ALDH4A1: variants seen among roughly 807,000 people sequenced by gnomAD.
ALDH4A1 encodes the protein aldehyde dehydrogenase 4 family member A1, also known as delta-1-pyrroline-5-carboxylate dehydrogenase, mitochondrial.
ALDH4A1 carries 46 observed loss-of-function variants against 70.5 expected under a neutral mutation model. The observed-to-expected ratio is 0.65, with a 90% CI of 0.51 to 0.83. The LOEUF is 0.83. ALDH4A1 is among the 40% of genes least tolerant of loss of function. The pLI, the probability that ALDH4A1 is intolerant of heterozygous loss-of-function variation, is 0.00. For synonymous variants in ALDH4A1, 323 were observed against 324.3 expected (o/e 1.00, Z 0.04); for missense variants, 749 against 766.5 (o/e 0.98, Z 0.27).
In ALDH4A1 at chr1:18,890,088, G is replaced by C; in HGVS notation, c.80C>G (p.Thr27Ser). The change falls in exon 2 of 15, where the codon ACC (threonine) becomes AGC (serine). Residue 27 changes from threonine to serine, a missense_variant. By Grantham distance (58) the Thr-to-Ser change is moderately conservative. Transcript: ENST00000375341. ...CTCGTTGGCCACCTTCAGGGAGGAG[G>C]TGTGCTTCCACCGCAGGCTGGAACA... ...WTGAGLRWKH[T>S]SSLKVANEPV... 6.2e-7 allele frequency: 1 copy of C among 1,612,518 alleles called. No homozygotes were observed. Among genetic ancestry groups the C allele is most frequent in the South Asian group, 1.1e-5 (1 of 90,726 alleles).
chr1:18,875,410 G>A lies in ALDH4A1; in HGVS notation c.1432C>T (p.Leu478Phe). Residue 478 changes from leucine to phenylalanine, a missense_variant, in exon 13 of 15, where the codon CTC (leucine) becomes TTC (phenylalanine). Physicochemically the swap from Leu to Phe is conservative, Grantham distance 22. Transcript: ENST00000375341. Reference protein sequence around the residue: ...QLVDSTTSYGLTGAVFSQDKD... With the variant: ...QLVDSTTSYGFTGAVFSQDKD... ...TCCTGGGAGAACACTGCCCCCGTGA[G>A]GCCATAGCTGGTGGTGCTGTCAACC... is the stretch of plus-strand genomic sequence containing the variant. The A allele has an allele frequency of 6.2e-7, 1 of 1,614,184 alleles. No homozygotes were observed. Among genetic ancestry groups the A allele is most frequent in the African/African-American group, 1.3e-5 (1 of 75,048 alleles).
intron 7 of ALDH4A1, 77 bp from the exon 8 acceptor site, chr1:18,881,964 C>T: frequency 7.1e-7 from 1 of 1,403,704 alleles, no homozygotes; most frequent in East Asian, 2.5e-5. Context: ...TACCCTACAG[C>T]ATGGTTGTCC....
At chr1:18,897,747 A>C (rs1935672388) in intron 1 of ALDH4A1, among the ~76,000 whole-genome samples, 1 of 152,186 alleles carries the variant, frequency 6.6e-6, no homozygotes, top group Non-Finnish European at 1.5e-5. Context: ...AGCACCTGGA[A>C]CATCTCAGAG....
At chr1:18,879,253 A>G (rs774221096) in intron 9 of ALDH4A1, 47 bp downstream of exon 9, 9 of 1,526,142 alleles carry the variant, frequency 5.9e-6, no homozygotes, top group Middle Eastern at 1.7e-4. Flanking sequence ...TGGCCAGGGG[A>G]GGGGTCCCTG....
chr1:18,874,503 C>T lies in ALDH4A1; in HGVS notation c.1539G>A (p.Ser513=), dbSNP rs767145294. The T allele has an allele frequency of 1.1e-5, 17 of 1,614,032 alleles. No individual in the cohort carries two copies. Among genetic ancestry groups the T allele is most frequent in the Admixed American group, 5.0e-5 (3 of 60,010 alleles). The change falls in exon 14 of 15, where the codon TCG becomes TCA. Residue 513 remains serine (S), a synonymous_variant. Coordinates refer to ENST00000375341, the MANE Select transcript of ALDH4A1 (RefSeq NM_003748.4). ...NFYINDKSTG[S]IVGQQPFGGA... ...CCCCAAAGGGCTGCTGGCCCACTAT[C>T]GAGCCAGTGGACTTGTCGTTGATGT...
At chr1:18,879,091 G>C (rs559155548) in intron 9 of ALDH4A1, among the ~76,000 whole-genome samples, 104 of 152,342 alleles carry the variant, frequency 6.8e-4, no homozygotes, top group African/African-American at 2.2e-3. Flanking sequence ...AGGGCTCCAT[G>C]GCCATGTGTG....
intron 1 of ALDH4A1, chr1:18,890,343 A>T: frequency 2.0e-6 from 1 of 501,254 alleles, no homozygotes. Context: ...GGAGTTCGAG[A>T]CCAGCCTGGC....
intron 5 of ALDH4A1, 120 bp downstream of exon 5, chr1:18,885,353 T>C: frequency 1.0e-6 from 1 of 1,002,616 alleles, no homozygotes; most frequent in African/African-American, 1.6e-5. Context: ...AGGACATCTC[T>C]GGGTCCCCAA....
Position 18,875,570 on chromosome 1 carries a change from T to A in ALDH4A1, c.1339-67A>T, listed in dbSNP as rs1377386288. ...GGACCAGGGCCCTGAGCCCTCCCAG[T>A]GCCCCTGCTCTGGCTCACCCTCTCC... On this transcript the variant is annotated intron_variant, in intron 12 of 14. Transcript: ENST00000375341. 1.9e-6 allele frequency: 3 copies of A among 1,608,026 alleles called. No individual in the cohort carries two copies. The African/African-American group carries it at 4.0e-5, about 22-fold the overall frequency.
At chr1:18,890,832 AG>A (rs1935407008) in intron 1 of ALDH4A1, 4 of 985,412 alleles carry the variant, frequency 4.1e-6, no homozygotes, top group South Asian at 9.4e-5. Flanking sequence ...CTAAGCTGAA[AG>A]GGCAGCACAT....
At chr1:18,885,427 T>TTCCCCCCCCCCCCCCCCCCCCCCCCCC in intron 5 of ALDH4A1, 46 bp downstream of exon 5, 1 of 650,920 alleles carries the variant, frequency 1.5e-6, no homozygotes. Context: ...CACACCTGAC[T>TTCCCCCCCCCCCCCCCCCCCCCCCCCC]CCCACCCCAC....
At chr1:18,878,409 C>G (rs775343928) in intron 9 of ALDH4A1, among the ~76,000 whole-genome samples, 20 of 152,132 alleles carry the variant, frequency 1.3e-4, no homozygotes, top group Non-Finnish European at 1.5e-4. Context: ...CCCTGAGGAG[C>G]GCTCACCTTC....
chr1:18,882,618 T>G (rs901302484), intron 7 of ALDH4A1: 2 of 537,716 alleles, frequency 3.7e-6, no homozygotes, highest in Admixed American at 1.9e-5. Context: ...GTCACGGCTG[T>G]GTGTCTCAGT....
chr1:18,872,704 A>G lies in ALDH4A1; in HGVS notation c.*141T>C. ...TGAGGCATGGGAGAGGCCAGAATAC[A>G]GTGGTAAGAAGGGAGTCAAGCCCGG... On this transcript the variant is annotated 3_prime_UTR_variant, in exon 15 of 15. Transcript: ENST00000375341. 3.0e-6 allele frequency: 2 copies of G among 676,594 alleles called. No individual in the cohort carries two copies. The highest frequency in any genetic ancestry group is 1.7e-5 in the South Asian group (1 of 57,646). The allele number at this position is 676,594 out of a possible 1,614,324, so 41.9% of individuals were successfully genotyped here. A position where few individuals can be genotyped will look rare whatever the true frequency, so the allele number is the denominator to read the frequency against.
At chr1:18,874,374 T>A in intron 14 of ALDH4A1, 89 bp downstream of exon 14, 4 of 1,246,796 alleles carry the variant, frequency 3.2e-6, no homozygotes, top group Non-Finnish European at 3.5e-6. Context: ...AATGGTATCC[T>A]TCCTATTACT....
chr1:18,898,377 G>C lies in ALDH4A1; in HGVS notation c.62+4085C>G, dbSNP rs1274576175. ...ATAACAGAAGAGGTTTGGCATCTGG[G>C]GTACTTAATTGGAATAAACAGAAGA... On this transcript the variant is annotated intron_variant, in intron 1 of 14. Coordinates refer to ENST00000375341, the MANE Select transcript of ALDH4A1 (RefSeq NM_003748.4). The surrounding 1 kb of genome is among the most constrained non-coding windows in gnomAD (Gnocchi z 4.3). Among the ~76,000 whole-genome samples the C allele has an allele frequency of 2.0e-5, 3 of 152,060 alleles. No homozygotes were observed. The highest frequency in any genetic ancestry group is 4.8e-5 in the African/African-American group (2 of 41,400).
At chr1:18,890,139 G>T (rs1322691312) in intron 1 of ALDH4A1, 34 bp from the exon 2 acceptor site, 2 of 1,553,218 alleles carry the variant, frequency 1.3e-6, no homozygotes, top group Non-Finnish European at 1.8e-6. Flanking sequence ...GAGGCAGAGA[G>T]GTCAGCAGCG....
At position 18,874,469 on chromosome 1, in the gene ALDH4A1, C is replaced by T. The variant is rs749103970; in HGVS notation, c.1573G>A (p.Ala525Thr). 5 of 1,613,844 alleles carry T rather than the reference C, an allele frequency of 3.1e-6. No individual in the cohort carries two copies. Among genetic ancestry groups the T allele is most frequent in the Non-Finnish European group, 4.2e-6 (5 of 1,179,996 alleles). Residue 525 changes from alanine to threonine, a missense_variant, in exon 14 of 15, where the codon GCC (alanine) becomes ACC (threonine). Transcript: ENST00000375341. Reference protein sequence around the residue: ...VGQQPFGGARASGTNDKPGGP... With the variant: ...VGQQPFGGARTSGTNDKPGGP... Reference sequence around the variant, plus strand: ...GGAAGGGGGACCCACTCACCAGAGGCTCGGGCCCCCCCAAAGGGCTGCTGG... The same window carrying T: ...GGAAGGGGGACCCACTCACCAGAGGTTCGGGCCCCCCCAAAGGGCTGCTGG...
At chr1:18,888,093 T>C (rs1357727032) in intron 3 of ALDH4A1, among the ~76,000 whole-genome samples, 1 of 152,240 alleles carries the variant, frequency 6.6e-6, no homozygotes, top group Non-Finnish European at 1.5e-5. Context: ...GAGCCACATT[T>C]CACATGCTCA....
Sources: allele counts gnomAD v4.1 joint callset (sites outside exome capture counted in the v4.1 genomes callset), GRCh38; gene constraint gnomAD v4.1.1; non-coding constraint Gnocchi (gnomAD v3.1); transcripts MANE v1.5; gene names NCBI Gene and HGNC (gene_info 2026-07-23, HGNC 2026-07-21).